The following DLG2 variants were observed in gnomAD, a reference collection of about 807,000 sequenced individuals.
DLG2 encodes disks large homolog 2.
A neutral mutation model predicts 132.5 loss-of-function variants in DLG2; 45 were observed. That is an observed-to-expected ratio of 0.34 (90% confidence interval 0.27 to 0.44). The LOEUF (loss-of-function observed/expected upper bound fraction) is 0.44. Among genes scored for constraint, DLG2 ranks in the 20% least tolerant of loss-of-function variants. The pLI is 1.00. For missense variants in DLG2, 1,045 were observed against 1,196.9 expected (o/e 0.87, Z 1.87); for synonymous variants, 424 against 419.6 (o/e 1.01, Z -0.13).
At chr11:83,865,473 G>T (rs985214014) in intron 16 of DLG2, among the ~76,000 whole-genome samples, 1 of 149,102 alleles carries the variant, frequency 6.7e-6, no homozygotes, top group Non-Finnish European at 1.5e-5. Context: ...AAAAAGACAA[G>T]AATAAAAGAG....
chr11:85,041,825 G>A (rs1007943475), intron 6 of DLG2, among the ~76,000 whole-genome samples: 5 of 151,882 alleles, frequency 3.3e-5, no homozygotes, highest in Non-Finnish European at 7.4e-5. Context: ...TGAGTAAATG[G>A]AGGTACCATT....
chr11:83,677,719 T>C (rs547633457), intron 18 of DLG2, among the ~76,000 whole-genome samples: 5 of 152,324 alleles, frequency 3.3e-5, no homozygotes, highest in South Asian at 2.1e-4. Context: ...TCAAATTTCT[T>C]AGTAATTACA....
chr11:83,686,304 C>T (rs559632442), intron 18 of DLG2, among the ~76,000 whole-genome samples: 6 of 152,288 alleles, frequency 3.9e-5, no homozygotes, highest in African/African-American at 1.4e-4. Flanking sequence ...CTGTATAGAA[C>T]AGCATCCTCT....
intron 4 of DLG2, among the ~76,000 whole-genome samples, chr11:85,202,044 T>A: frequency 6.7e-6 from 1 of 149,026 alleles, no homozygotes; most frequent in African/African-American, 2.5e-5. Flanking sequence ...AAAAATGAAA[T>A]AAAGAAAGCT....
chr11:85,038,181 G>A (rs2061570101), intron 6 of DLG2, among the ~76,000 whole-genome samples: 1 of 152,042 alleles, frequency 6.6e-6, no homozygotes, highest in Non-Finnish European at 1.5e-5. Context: ...GGAGAATAAA[G>A]ATCTCTCTTT....
chr11:84,418,391 T>C (rs2098937233), intron 7 of DLG2, among the ~76,000 whole-genome samples: 1 of 152,224 alleles, frequency 6.6e-6, no homozygotes, highest in South Asian at 2.1e-4. Context: ...TTGGATGATA[T>C]ATGAAGGACT....
At chr11:85,300,658 T>A (rs1029223019) in intron 3 of DLG2, among the ~76,000 whole-genome samples, 1 of 152,198 alleles carries the variant, frequency 6.6e-6, no homozygotes, top group Non-Finnish European at 1.5e-5. Context: ...TCTGGATATA[T>A]GCAATAGTTT....
chr11:84,107,009 T>TGAGAGAGAGA (rs1342359588), intron 9 of DLG2, among the ~76,000 whole-genome samples: 29 of 29,174 alleles, frequency 9.9e-4, no homozygotes, highest in African/African-American at 2.2e-3. Flanking sequence ...TGTGTGTGTG[T>TGAGAGAGAGA]GTGTGAGAGA....
intron 6 of DLG2, among the ~76,000 whole-genome samples, chr11:84,871,316 C>T (rs914136473): frequency 3.3e-5 from 5 of 152,162 alleles, no homozygotes; most frequent in East Asian, 1.9e-4. Flanking sequence ...GAGTCAGTAT[C>T]GGAAATCACT....
intron 6 of DLG2, among the ~76,000 whole-genome samples, chr11:84,805,253 G>A (rs900707682): frequency 1.1e-4 from 16 of 152,198 alleles, no homozygotes; most frequent in African/African-American, 3.9e-4. Flanking sequence ...GAGACAGCAT[G>A]GGAAACTGGG....
At chr11:85,027,315 G>T (rs954795896) in intron 6 of DLG2, among the ~76,000 whole-genome samples, 1 of 151,966 alleles carries the variant, frequency 6.6e-6, no homozygotes, top group Non-Finnish European at 1.5e-5. Context: ...ATGTCTGGAG[G>T]TTGGGTTATT....
chr11:83,799,623 T>C (rs1481684724), intron 17 of DLG2, among the ~76,000 whole-genome samples: 1 of 152,192 alleles, frequency 6.6e-6, no homozygotes, highest in African/African-American at 2.4e-5. Flanking sequence ...TTTACTGTGT[T>C]GAGCAGATTG....
chr11:84,535,119 C>T (rs2099352274), intron 6 of DLG2, among the ~76,000 whole-genome samples: 1 of 152,178 alleles, frequency 6.6e-6, no homozygotes, highest in Non-Finnish European at 1.5e-5. Context: ...AAAAAAAGTA[C>T]TGAGCAAGAA....
At chr11:83,915,529 C>T (rs1292466434) in intron 15 of DLG2, among the ~76,000 whole-genome samples, 15 of 152,050 alleles carry the variant, frequency 9.9e-5, no homozygotes, top group African/African-American at 3.6e-4. Context: ...GAACTATAGC[C>T]ATGTTAAAAA....
At chr11:84,825,916 T>C (rs2078272893) in intron 6 of DLG2, among the ~76,000 whole-genome samples, 1 of 151,876 alleles carries the variant, frequency 6.6e-6, no homozygotes, top group Non-Finnish European at 1.5e-5. Flanking sequence ...TCCTTTCCCT[T>C]ATCTCAGCAT....
At chr11:85,384,316 C>T (rs1410662279) in intron 3 of DLG2, among the ~76,000 whole-genome samples, 1 of 151,946 alleles carries the variant, frequency 6.6e-6, no homozygotes, top group East Asian at 1.9e-4. Context: ...TCTTTGGTGG[C>T]AACTTTGTTT....
intron 7 of DLG2, among the ~76,000 whole-genome samples, chr11:84,488,779 C>A (rs888078612): frequency 6.6e-6 from 1 of 152,010 alleles, no homozygotes; most frequent in Admixed American, 6.6e-5. Context: ...TTTCAAAAGA[C>A]CTGGTAAAAC....
chr11:85,161,500 G>A (rs932489204), intron 4 of DLG2, among the ~76,000 whole-genome samples: 2 of 152,208 alleles, frequency 1.3e-5, no homozygotes, highest in African/African-American at 4.8e-5. Flanking sequence ...TCATGGAAAA[G>A]GCAGAGGTTT....
intron 7 of DLG2, among the ~76,000 whole-genome samples, chr11:84,530,262 A>C (rs1166123045): frequency 6.6e-6 from 1 of 152,194 alleles, no homozygotes; most frequent in Non-Finnish European, 1.5e-5. Flanking sequence ...GATGTCAAAC[A>C]CAATTCTGAC....
Sources: gnomAD v4.1 joint callset for allele counts (sites outside exome capture counted in the v4.1 genomes callset) on GRCh38, gnomAD v4.1.1 for gene constraint, MANE v1.5 for transcripts, NCBI Gene and HGNC (gene_info 2026-07-23, HGNC 2026-07-21) for gene names.